The following ADGRF3 variants were observed in gnomAD, a reference collection of about 807,000 sequenced individuals.
ADGRF3 encodes the protein adhesion G protein-coupled receptor F3.
In ADGRF3, 85 loss-of-function variants were observed where a neutral mutation model predicts 93.2. The ratio of observed to expected loss-of-function variants is 0.91; its 90% confidence interval spans 0.77 to 1.09. The LOEUF is 1.09. Among genes scored for constraint, ADGRF3 ranks in the 50% least tolerant of loss-of-function variants. The probability of loss-of-function intolerance (pLI) is 0.00; values close to 1 mark genes in which losing one functional copy is unlikely to be tolerated. For missense variants in ADGRF3, 1,125 were observed against 1,246.2 expected (o/e 0.90, Z 1.46); for synonymous variants, 534 against 532.5 (o/e 1.00, Z -0.04).
chr2:26,319,577 T>TC (rs1469665884), intron 1 of ADGRF3, among the ~76,000 whole-genome samples: 11 of 46,628 alleles, frequency 2.4e-4, no homozygotes, highest in East Asian at 9.8e-4. Flanking sequence ...CTTCCTTCCT[T>TC]CCTTCCTTCC....
chr2:26,311,772 TATTTC>T lies in ADGRF3; in HGVS notation c.1747_1751del (p.Glu583LysfsTer4), dbSNP rs1469445240. On this transcript the variant is annotated frameshift_variant, in exon 10 of 14. Transcript: ENST00000651242. LOFTEE classifies it high-confidence loss of function. The stretch of plus-strand genomic sequence containing the variant: ...TTCGCAGCACCAGGCTAGTAATACT[TATTTC>T]AGTTCCATTACGGACCAATGGGGCC... 7 of 1,613,684 alleles carry T rather than the reference TATTTC, an allele frequency of 4.3e-6. No individual in the cohort carries two copies. The South Asian group carries it at 5.5e-5, about 13-fold the overall frequency.
intron 6 of ADGRF3, 27 bp downstream of exon 6, chr2:26,314,387 C>G: frequency 6.3e-7 from 1 of 1,596,570 alleles, no homozygotes; most frequent in Non-Finnish European, 8.6e-7. Context: ...GTCCCTCTGA[C>G]CCCTGACTGC....
At position 26,346,322 on chromosome 2, in the gene ADGRF3, C is replaced by T; in HGVS notation, c.-88G>A. 6.3e-7 allele frequency: 1 copy of T among 1,592,444 alleles called. No homozygotes were observed. Among genetic ancestry groups the T allele is most frequent in the Non-Finnish European group, 8.6e-7 (1 of 1,168,114 alleles). ...GGGCCGGCGGATGCCCCTCTCCCTGCTCCCGGCCTCGCCCAGGCGGCTGAG... is the reference window on the plus strand; with the variant it reads ...GGGCCGGCGGATGCCCCTCTCCCTGTTCCCGGCCTCGCCCAGGCGGCTGAG... On this transcript the variant is annotated 5_prime_UTR_variant, in exon 1 of 14. Coordinates refer to ENST00000651242, the MANE Select transcript of ADGRF3 (RefSeq NM_001321971.2).
chr2:26,324,759 CT>C (rs995601881), intron 1 of ADGRF3, among the ~76,000 whole-genome samples: 61 of 152,284 alleles, frequency 4.0e-4, no homozygotes, highest in African/African-American at 1.3e-3. Flanking sequence ...GTTTTTGCTA[CT>C]ATGAACAGTG....
In ADGRF3 at chr2:26,315,755, G is replaced by A; in HGVS notation, c.500-15C>T. The A allele has an allele frequency of 1.3e-6, 2 of 1,550,838 alleles. No individual in the cohort carries two copies. The highest frequency in any genetic ancestry group is 1.7e-6 in the Non-Finnish European group (2 of 1,146,946). On this transcript the variant is annotated splice_polypyrimidine_tract_variant and intron_variant, in intron 4 of 13. Transcript: ENST00000651242. ...GATCCCGGGGACTGCAGGGAGGCAGGTGACAGGGGACCCTGGAGGAGGGAC... is the reference window on the plus strand; with the variant it reads ...GATCCCGGGGACTGCAGGGAGGCAGATGACAGGGGACCCTGGAGGAGGGAC...
At chr2:26,338,348 TA>T (rs1490499128) in intron 1 of ADGRF3, among the ~76,000 whole-genome samples, 1 of 152,134 alleles carries the variant, frequency 6.6e-6, no homozygotes, top group Non-Finnish European at 1.5e-5. Context: ...ACCCTGTCTC[TA>T]AAAAAACAAA....
At chr2:26,339,250 CT>C (rs2147925712) in intron 1 of ADGRF3, among the ~76,000 whole-genome samples, 1 of 152,064 alleles carries the variant, frequency 6.6e-6, no homozygotes, top group South Asian at 2.1e-4. Flanking sequence ...AATCCCAGCA[CT>C]TTGGGAGGCC....
intron 8 of ADGRF3, 67 bp downstream of exon 8, chr2:26,313,310 G>A (rs1051477475): frequency 1.4e-5 from 20 of 1,456,448 alleles, no homozygotes; most frequent in Non-Finnish European, 1.8e-5. Context: ...GGGTCTGCAA[G>A]CTGGGTCCTA....
rs766912851 is a variant in ADGRF3 at position 26,311,703 on chromosome 2, C to T, written c.1821G>A (p.Gly607=). The T allele has an allele frequency of 9.3e-6, 15 of 1,613,356 alleles. No individual in the cohort carries two copies. Among genetic ancestry groups the T allele is most frequent in the Admixed American group, 1.7e-5 (1 of 59,928 alleles). Residue 607 remains glycine (G), a synonymous_variant, in exon 10 of 14, where the codon GGG becomes GGA. Transcript: ENST00000651242. ...LLPSNYGQGL[G]DSLYATPGLV... The stretch of plus-strand genomic sequence containing the variant: ...GGCCAGGAGTGGCATAGAGGGAATC[C>T]CCCAGCCCTTGTCCATAGTTTGAGG...
At chr2:26,310,400 T>G (rs548956836) in intron 10 of ADGRF3, among the ~76,000 whole-genome samples, 163 bp from the exon 11 acceptor site, 87 of 152,344 alleles carry the variant, frequency 5.7e-4, no homozygotes, top group African/African-American at 1.9e-3. Context: ...CTTTTCTTAT[T>G]GTTATGGTTA....
chr2:26,338,255 T>C (rs1676163901), intron 1 of ADGRF3, among the ~76,000 whole-genome samples: 1 of 152,044 alleles, frequency 6.6e-6, no homozygotes, highest in Non-Finnish European at 1.5e-5. Flanking sequence ...GATGCACACC[T>C]GTAGTCCCAG....
Position 26,316,960 on chromosome 2 carries a change from C to T in ADGRF3, c.277G>A (p.Ala93Thr). ...AGAAGAGGCCTTGGGGAAGAGGAAG[C>T]TGAGGCAGCAGGGAGAGTCAGTGTC... ...SRTLTLPAAS[A>T]SSSPRPLLTG... Residue 93 changes from alanine (A) to threonine (T), a missense_variant, in exon 3 of 14, where the codon GCT becomes ACT. Coordinates refer to ENST00000651242, the MANE Select transcript of ADGRF3 (RefSeq NM_001321971.2). The T allele has an allele frequency of 2.5e-6, 4 of 1,612,914 alleles. No homozygotes were observed. The highest frequency in any genetic ancestry group is 3.4e-6 in the Non-Finnish European group (4 of 1,179,578).
intron 13 of ADGRF3, 181 bp from the exon 14 acceptor site, chr2:26,309,288 G>A: frequency 6.5e-7 from 1 of 1,535,254 alleles, no homozygotes; most frequent in Non-Finnish European, 8.7e-7. Flanking sequence ...TGGTGGTGGT[G>A]AAACTTCTTG....
chr2:26,313,702 C>T, intron 7 of ADGRF3, 58 bp downstream of exon 7: 2 of 1,603,038 alleles, frequency 1.2e-6, no homozygotes, highest in East Asian at 4.5e-5. Context: ...TGCAAGAGAG[C>T]CCGTGCTCCC....
chr2:26,338,568 T>G (rs2147924314), intron 1 of ADGRF3, among the ~76,000 whole-genome samples: 1 of 152,268 alleles, frequency 6.6e-6, no homozygotes, highest in South Asian at 2.1e-4. Context: ...GTTTAAGTGA[T>G]TCTCCTGCCT....
intron 1 of ADGRF3, among the ~76,000 whole-genome samples, chr2:26,318,694 G>C (rs1197712371): frequency 6.6e-6 from 1 of 152,120 alleles, no homozygotes; most frequent in African/African-American, 2.4e-5. Context: ...CAGCTTGACT[G>C]AATGAGACTT....
chr2:26,346,428 G>A lies in ADGRF3; in HGVS notation c.-194C>T. On this transcript the variant is annotated 5_prime_UTR_variant, in exon 1 of 14. Transcript: ENST00000651242. ...GCGGGCGTTCCTCCGGAGGTCCTGC[G>A]GGTCCTGGGGATTGGGGGTCGGGGA... 9.4e-7 allele frequency: 1 copy of A among 1,067,872 alleles called. No individual in the cohort carries two copies. Among genetic ancestry groups the A allele is most frequent in the Non-Finnish European group, 1.3e-6 (1 of 780,878 alleles). The allele number at this position is 1,067,872 out of a possible 1,614,324, so 66.1% of individuals were successfully genotyped here. A position where few individuals can be genotyped will look rare whatever the true frequency, so the allele number is the denominator to read the frequency against.
rs753680206 is a variant in ADGRF3 at position 26,321,038 on chromosome 2, A to G, written c.115-3476T>C. Among the ~76,000 whole-genome samples, 4 of 152,304 alleles carry G rather than the reference A, an allele frequency of 2.6e-5. No individual in the cohort carries two copies. In the South Asian group the frequency reaches 8.3e-4, roughly 32 times the overall value. ...TGGATGGGTCTGTGTGCTGTTTCAT[A>G]TATAGTTTTTCTAATCATAGACTTT... On this transcript the variant is annotated intron_variant, in intron 1 of 13. Coordinates refer to ENST00000651242, the MANE Select transcript of ADGRF3 (RefSeq NM_001321971.2).
Position 26,317,538 on chromosome 2 carries a change from A to G in ADGRF3, c.139T>C (p.Ser47Pro), listed in dbSNP as rs1553330123. 3.2e-6 allele frequency: 5 copies of G among 1,582,778 alleles called. No homozygotes were observed. Among genetic ancestry groups the G allele is most frequent in the Admixed American group, 3.6e-5 (2 of 55,596 alleles). ...EKGQSQAGGE[S>P]GSGQLLDQEN... is the part of the protein sequence containing the mutation. ...TGGTCCAGGAGCTGCCCAGATCCAG[A>G]TTCCCCTCCAGCCTGACTCTGTCCC... The change falls in exon 2 of 14, where the codon TCT (serine) becomes CCT (proline). Residue 47 changes from serine (S) to proline (P), a missense_variant. Physicochemically the swap from Ser to Pro is moderately conservative, Grantham distance 74. Coordinates refer to ENST00000651242, the MANE Select transcript of ADGRF3 (RefSeq NM_001321971.2).
Sources: gnomAD v4.1 joint callset for allele counts (sites outside exome capture counted in the v4.1 genomes callset) on GRCh38, gnomAD v4.1.1 for gene constraint, MANE v1.5 for transcripts, NCBI Gene and HGNC (gene_info 2026-07-23, HGNC 2026-07-21) for gene names.